Variants in DENND1A observed in about 807,000 individuals in gnomAD.
DENND1A encodes DENN domain containing 1A.
Under a neutral mutation model 113.7 loss-of-function variants are expected in DENND1A, and 51 were observed. The observed-to-expected ratio is 0.45, with a 90% CI of 0.36 to 0.57. The LOEUF is 0.57. DENND1A is among the 20% of genes least tolerant of loss of function. The pLI is 0.00. For missense variants in DENND1A, 1,258 were observed against 1,395.9 expected, an observed-to-expected ratio of 0.90 and a Z score of 1.57; for synonymous variants, 565 against 570.8, an observed-to-expected ratio of 0.99 and a Z score of 0.14.
rs1405607773 is a variant in DENND1A at position 123,591,079 on chromosome 9, T to C, written c.766-7809A>G. Among the ~76,000 whole-genome samples the C allele has an allele frequency of 2.6e-5, 4 of 152,358 alleles. No homozygotes were observed. The East Asian group carries it at 7.7e-4, about 29-fold the overall frequency. On this transcript the variant is annotated intron_variant, in intron 11 of 23. Coordinates refer to ENST00000394215, the MANE Select transcript of DENND1A (RefSeq NM_001352964.2). ...AAGCCAATGTCCCTAGAGATTCTGA[T>C]AGACTTCCCTATACAAAGGAGGGGG...
chr9:123,845,339 C>T (rs1472365507), intron 2 of DENND1A, among the ~76,000 whole-genome samples: 1 of 152,080 alleles, frequency 6.6e-6, no homozygotes, highest in Admixed American at 6.6e-5. Context: ...AGTTAGACTC[C>T]TTCCTTATAA....
Position 123,432,094 on chromosome 9 carries a change from C to T in DENND1A, c.1488+8266G>A, listed in dbSNP as rs577053560. On this transcript the variant is annotated intron_variant, in intron 19 of 23. Coordinates refer to ENST00000394215, the MANE Select transcript of DENND1A (RefSeq NM_001352964.2). ...CGTGGAGCTCTCTGGCCTTCTCCAG[C>T]TCTCTATAACGAGAGGAATACCACC... Among the ~76,000 whole-genome samples the T allele has an allele frequency of 2.0e-5, 3 of 152,332 alleles. No individual in the cohort carries two copies. In the East Asian group the frequency reaches 5.8e-4, roughly 29 times the overall value.
At chr9:123,458,437 T>G (rs1311373314) in intron 13 of DENND1A, among the ~76,000 whole-genome samples, 2 of 152,188 alleles carry the variant, frequency 1.3e-5, no homozygotes, top group Non-Finnish European at 2.9e-5. Flanking sequence ...GAAATTCATT[T>G]TCTTTTATGG....
chr9:123,500,129 A>G (rs1199303178), intron 13 of DENND1A, among the ~76,000 whole-genome samples: 1 of 152,212 alleles, frequency 6.6e-6, no homozygotes, highest in East Asian at 1.9e-4. Context: ...CCCTCAACCT[A>G]AAATAAAAGT....
At chr9:123,553,273 T>C (rs1425796135) in intron 13 of DENND1A, among the ~76,000 whole-genome samples, 3 of 151,752 alleles carry the variant, frequency 2.0e-5, no homozygotes, top group African/African-American at 7.3e-5. Context: ...AATAATACAA[T>C]AGTAAAATAA....
intron 6 of DENND1A, among the ~76,000 whole-genome samples, chr9:123,671,665 A>G (rs1319101386): frequency 6.6e-6 from 1 of 151,888 alleles, no homozygotes; most frequent in East Asian, 1.9e-4. Context: ...TATCCCCTAA[A>G]CTCCATAGCA....
chr9:123,618,798 C>G (rs1157099829), intron 10 of DENND1A, among the ~76,000 whole-genome samples: 3 of 152,210 alleles, frequency 2.0e-5, no homozygotes, highest in African/African-American at 7.2e-5. Flanking sequence ...AGCTGTCCCG[C>G]TATACTCCTG....
intron 5 of DENND1A, among the ~76,000 whole-genome samples, chr9:123,710,534 AACAC>A (rs59599155): frequency 3.3e-4 from 38 of 116,706 alleles, no homozygotes; most frequent in African/African-American, 6.2e-4. Context: ...AGCCTCATTA[AACAC>A]ACACACACAC....
chr9:123,434,375 G>A (rs916367617), intron 19 of DENND1A, among the ~76,000 whole-genome samples: 1 of 152,218 alleles, frequency 6.6e-6, no homozygotes, highest in Non-Finnish European at 1.5e-5. Context: ...AATAGTTTGT[G>A]ACCACTAAGG....
intron 13 of DENND1A, among the ~76,000 whole-genome samples, chr9:123,512,732 C>T (rs2053562139): frequency 6.6e-6 from 1 of 152,168 alleles, no homozygotes; most frequent in African/African-American, 2.4e-5. Flanking sequence ...CTGAAGGTGA[C>T]TTGGGACAGT....
chr9:123,698,925 T>C (rs902148548), intron 5 of DENND1A, among the ~76,000 whole-genome samples: 3 of 152,226 alleles, frequency 2.0e-5, no homozygotes, highest in African/African-American at 7.2e-5. Context: ...CACAAAGATA[T>C]CTGCCTCAGA....
intron 11 of DENND1A, among the ~76,000 whole-genome samples, chr9:123,595,615 G>A (rs940625961): frequency 2.6e-5 from 4 of 152,138 alleles, no homozygotes; most frequent in African/African-American, 9.7e-5. Flanking sequence ...TCTCCAGGCT[G>A]GGGTCCTGGC....
intron 5 of DENND1A, among the ~76,000 whole-genome samples, chr9:123,706,456 GAT>G (rs1457650981): frequency 1.3e-5 from 2 of 151,374 alleles, no homozygotes; most frequent in Non-Finnish European, 2.9e-5. Flanking sequence ...GGATGGCTTG[GAT>G]ATAGAGTATG....
intron 19 of DENND1A, among the ~76,000 whole-genome samples, chr9:123,434,095 C>T (rs533648276): frequency 3.0e-4 from 46 of 152,336 alleles, no homozygotes; most frequent in African/African-American, 9.4e-4. Context: ...GGCACAATCT[C>T]GGCTCACTGC....
chr9:123,442,832 T>C (rs888589924), intron 18 of DENND1A, among the ~76,000 whole-genome samples: 1 of 152,186 alleles, frequency 6.6e-6, no homozygotes, highest in African/African-American at 2.4e-5. Context: ...TGCCTTATTT[T>C]TGCAATGGGA....
At chr9:123,654,811 G>C (rs1564892941) in intron 8 of DENND1A, among the ~76,000 whole-genome samples, 1 of 152,228 alleles carries the variant, frequency 6.6e-6, no homozygotes, top group Non-Finnish European at 1.5e-5. Context: ...CCACCCGCCT[G>C]AGCGGGTGGG....
At chr9:123,670,445 C>T (rs1029502602) in intron 7 of DENND1A, among the ~76,000 whole-genome samples, 6 of 152,138 alleles carry the variant, frequency 3.9e-5, no homozygotes, top group African/African-American at 1.4e-4. Flanking sequence ...AAAGATCTCC[C>T]ACACCTCTTC....
At chr9:123,413,780 T>C in intron 19 of DENND1A, 2 of 985,418 alleles carry the variant, frequency 2.0e-6, no homozygotes, top group Non-Finnish European at 2.4e-6. Flanking sequence ...CCACCATGTT[T>C]TTTCCCCTTC....
At chr9:123,809,630 T>C (rs1836200325) in intron 2 of DENND1A, among the ~76,000 whole-genome samples, 1 of 152,194 alleles carries the variant, frequency 6.6e-6, no homozygotes, top group Admixed American at 6.5e-5. Context: ...TTATTAAAGA[T>C]TTTTCAATGG....
Sources: allele counts gnomAD v4.1 joint callset (sites outside exome capture counted in the v4.1 genomes callset), GRCh38; gene constraint gnomAD v4.1.1; transcripts MANE v1.5; gene names NCBI Gene and HGNC (gene_info 2026-07-23, HGNC 2026-07-21).